Variants in LYPD1 observed in about 807,000 individuals in gnomAD.
The protein encoded by LYPD1 is ly6/PLAUR domain-containing protein 1.
Under a neutral mutation model 14.2 loss-of-function variants are expected in LYPD1, and 14 were observed. The ratio of observed to expected loss-of-function variants is 0.99; its 90% confidence interval spans 0.65 to 1.54. The LOEUF (loss-of-function observed/expected upper bound fraction) is 1.54, where lower values mean the gene tolerates loss of function less well. LYPD1 is among the 40% of genes most tolerant of loss of function. The pLI is 0.00. For synonymous variants in LYPD1, 85 were observed against 70.6 expected (o/e 1.20, Z -1.02); for missense variants, 165 against 175.7 (o/e 0.94, Z 0.34).
Position 132,645,443 on chromosome 2 carries a change from C to G in LYPD1, c.*602G>C, listed in dbSNP as rs756654238. On this transcript the variant is annotated 3_prime_UTR_variant, in exon 3 of 3. Transcript: ENST00000397463. ...TTGCTCTTCGCGTCCCGGCGCCAGT[C>G]CTCTGCAAGGAGAACTGAGAAGATT... 1 of 1,613,774 alleles carries G rather than the reference C, an allele frequency of 6.2e-7. No homozygotes were observed.
At chr2:132,656,255 T>C (rs1682591103) in intron 2 of LYPD1, among the ~76,000 whole-genome samples, 1 of 152,222 alleles carries the variant, frequency 6.6e-6, no homozygotes, top group Non-Finnish European at 1.5e-5. Flanking sequence ...TTTTTACCCA[T>C]GTTATGCAAT....
chr2:132,645,979 G>T lies in LYPD1; in HGVS notation c.*66C>A. On this transcript the variant is annotated 3_prime_UTR_variant, in exon 3 of 3. Coordinates refer to ENST00000397463, the MANE Select transcript of LYPD1 (RefSeq NM_144586.7). ...GGACACCCAGAAGAAACTCACTCAG[G>T]GAGGTGGGGGGTTGGGGGCGAGGGC... 1 of 1,228,832 alleles carries T rather than the reference G, an allele frequency of 8.1e-7. No homozygotes were observed. 76.1% of individuals were successfully genotyped at this position (1,228,832 alleles called of 1,614,324 possible). A position where few individuals can be genotyped will look rare whatever the true frequency, so the allele number is the denominator to read the frequency against.
intron 2 of LYPD1, among the ~76,000 whole-genome samples, chr2:132,658,739 T>TGTG (rs144476428): frequency 0.072 from 10,974 of 152,208 alleles, 1,251 homozygotes; most frequent in African/African-American, 0.24. Context: ...TCTAACTGCC[T>TGTG]GTGTCTTGTG....
chr2:132,669,341 C>G lies in LYPD1; in HGVS notation c.52+540G>C, dbSNP rs1252589765. Among the ~76,000 whole-genome samples the G allele has an allele frequency of 2.0e-5, 3 of 152,022 alleles. No individual in the cohort carries two copies. Among genetic ancestry groups the G allele is most frequent in the Non-Finnish European group, 2.9e-5 (2 of 68,014 alleles). On this transcript the variant is annotated intron_variant, in intron 1 of 2. Transcript: ENST00000397463. The surrounding 1 kb of genome is among the most constrained non-coding windows in gnomAD (Gnocchi z 4.3). ...GCGAACTGGAGAGAGGACGCGAGAC[C>G]TTTGCGCCTCTGGACGCTTCGGCCT...
chr2:132,646,466 C>CTAT (rs1163668697), intron 2 of LYPD1, 186 bp from the exon 3 acceptor site: 29 of 409,330 alleles, frequency 7.1e-5, no homozygotes, highest in Non-Finnish European at 4.7e-5. Flanking sequence ...GAGACAGGCA[C>CTAT]TATTTCATTA....
chr2:132,669,741 A>T lies in LYPD1; in HGVS notation c.52+140T>A. The T allele has an allele frequency of 7.0e-7, 1 of 1,436,126 alleles. No individual in the cohort carries two copies. The highest frequency in any genetic ancestry group is 2.9e-5 in the Admixed American group (1 of 34,200). 89.0% of individuals were successfully genotyped at this position (1,436,126 alleles called of 1,614,324 possible). A position where few individuals can be genotyped will look rare whatever the true frequency, so the allele number is the denominator to read the frequency against. ...CTTTCCCAGCCTCGCGCCCCGGGGC[A>T]CCAGTCGCGGCCGCCAACTCCCGCT... On this transcript the variant is annotated intron_variant, in intron 1 of 2. Coordinates refer to ENST00000397463, the MANE Select transcript of LYPD1 (RefSeq NM_144586.7). This position sits in a 1 kb window ranked among gnomAD's most constrained non-coding sequence, Gnocchi z 4.3.
chr2:132,668,303 A>G, intron 2 of LYPD1, 97 bp downstream of exon 2: 1 of 1,439,614 alleles, frequency 6.9e-7, no homozygotes, highest in South Asian at 1.5e-5. Context: ...TGGGCATTAA[A>G]TCAAAGTCAG....
Position 132,645,413 on chromosome 2 carries a change from G to A in LYPD1, c.*632C>T. On this transcript the variant is annotated 3_prime_UTR_variant, in exon 3 of 3. Transcript: ENST00000397463. The stretch of plus-strand genomic sequence containing the variant: ...ACCGACAGCGCCCGCTTTGTGCAGC[G>A]CCCGTTGCTCTTCGCGTCCCGGCGC... 3.7e-6 allele frequency: 6 copies of A among 1,613,502 alleles called. No individual in the cohort carries two copies. The highest frequency in any genetic ancestry group is 5.1e-6 in the Non-Finnish European group (6 of 1,180,014).
chr2:132,670,218 T>C (rs1683604397), upstream of LYPD1: 2 of 923,430 alleles, frequency 2.2e-6, no homozygotes, highest in African/African-American at 1.8e-5. The surrounding 1 kb of genome is among the most constrained non-coding windows in gnomAD (Gnocchi z 4.5). Context: ...CTACTGGCGA[T>C]CGGGAGCACC....
intron 2 of LYPD1, among the ~76,000 whole-genome samples, chr2:132,650,728 C>A (rs11273383): frequency 0.55 from 78,553 of 143,088 alleles, 21,094 homozygotes; most frequent in African/African-American, 0.68. Context: ...AAAAAAAAAA[C>A]AAAAAACAAA....
In LYPD1 at chr2:132,668,539, T is replaced by C; in HGVS notation, c.53-2A>G. On this transcript the variant is annotated splice_acceptor_variant, in intron 1 of 2. Coordinates refer to ENST00000397463, the MANE Select transcript of LYPD1 (RefSeq NM_144586.7). LOFTEE classifies it high-confidence loss of function. ...AGCACTGGATTTGCAGCGCAAAGCC[T>C]GCGAGACAGACGCAGTCGGGTTCAG... 2 of 1,611,708 alleles carry C rather than the reference T, an allele frequency of 1.2e-6. No individual in the cohort carries two copies. Among genetic ancestry groups the C allele is most frequent in the African/African-American group, 2.7e-5 (2 of 74,986 alleles).
rs752927626 is a variant in LYPD1, at chr2:132,645,117, A to G, written c.*928T>C. 1.9e-6 allele frequency: 3 copies of G among 1,612,872 alleles called. No homozygotes were observed. The highest frequency in any genetic ancestry group is 2.2e-5 in the East Asian group (1 of 44,858). ...TCTGCCCAGGGCTGATTGTTGTGAC[A>G]TTGGCCGTATGCTGGATGCCCAACC... On this transcript the variant is annotated 3_prime_UTR_variant, in exon 3 of 3. Coordinates refer to ENST00000397463, the MANE Select transcript of LYPD1 (RefSeq NM_144586.7).
Position 132,668,982 on chromosome 2 carries a change from G to A in LYPD1, c.53-445C>T, listed in dbSNP as rs948518758. Reference sequence around the variant, plus strand: ...GATTACATTCGCAGACGTCTTTTTAGTTTTTATTTATTTAATTTTTAAAGT... The same window carrying A: ...GATTACATTCGCAGACGTCTTTTTAATTTTTATTTATTTAATTTTTAAAGT... On this transcript the variant is annotated intron_variant, in intron 1 of 2. Coordinates refer to ENST00000397463, the MANE Select transcript of LYPD1 (RefSeq NM_144586.7). Among the ~76,000 whole-genome samples, 3 of 152,234 alleles carry A rather than the reference G, an allele frequency of 2.0e-5. No individual in the cohort carries two copies. In the East Asian group the frequency reaches 5.8e-4, roughly 29 times the overall value.
chr2:132,654,740 CATTT>C (rs67623007), intron 2 of LYPD1, among the ~76,000 whole-genome samples: 84,598 of 149,718 alleles, frequency 0.57, 23,965 homozygotes, highest in East Asian at 0.66. Flanking sequence ...GCCTCTTTCC[CATTT>C]ATTTATTTAT....
In LYPD1 at chr2:132,669,955, G is replaced by A. The variant is rs1683560739; in HGVS notation, c.-23C>T. ...CATTCTCCCGGAGTCCCGGGGCCGG[G>A]AGAGGGCAAGCGCATCAGAGGAGGC... On this transcript the variant is annotated 5_prime_UTR_variant, in exon 1 of 3. Transcript: ENST00000397463. The surrounding 1 kb of genome is among the most constrained non-coding windows in gnomAD (Gnocchi z 4.3). 6.2e-7 allele frequency: 1 copy of A among 1,610,846 alleles called. No individual in the cohort carries two copies. Among genetic ancestry groups the A allele is most frequent in the Non-Finnish European group, 8.5e-7 (1 of 1,179,202 alleles).
rs761545144 is a variant in LYPD1 at position 132,668,433 on chromosome 2, T to A, written c.157A>T (p.Met53Leu). ...IVNCTVNVQD[M>L]CQKEVMEQSA... is the part of the protein sequence containing the mutation. ...TGCTCCATCACTTCTTTCTGACACATGTCTTGAACGTTCACCGTGCAATTC... is the reference window on the plus strand; with the variant it reads ...TGCTCCATCACTTCTTTCTGACACAAGTCTTGAACGTTCACCGTGCAATTC... Residue 53 changes from methionine to leucine, a missense_variant, in exon 2 of 3, where the codon ATG (methionine) becomes TTG (leucine). Physicochemically the swap from Met to Leu is conservative, Grantham distance 15. Coordinates refer to ENST00000397463, the MANE Select transcript of LYPD1 (RefSeq NM_144586.7). 1 of 1,608,968 alleles carries A rather than the reference T, an allele frequency of 6.2e-7. No individual in the cohort carries two copies. Among genetic ancestry groups the A allele is most frequent in the Non-Finnish European group, 8.5e-7 (1 of 1,177,750 alleles).
At position 132,644,097 on chromosome 2, in the gene LYPD1, T is replaced by C. The variant is rs1252609309; in HGVS notation, c.*1948A>G. Among the ~76,000 whole-genome samples, 2 of 152,222 alleles carry C rather than the reference T, an allele frequency of 1.3e-5. No individual in the cohort carries two copies. Among genetic ancestry groups the C allele is most frequent in the Non-Finnish European group, 2.9e-5 (2 of 68,040 alleles). ...AGATCCCCTGATCTTCCTTTGTTCT[T>C]TTTTGCTTTTGTCACTGTAACTAAA... is the stretch of plus-strand genomic sequence containing the variant. On this transcript the variant is annotated 3_prime_UTR_variant, in exon 3 of 3. Transcript: ENST00000397463.
rs769017569 is a variant in LYPD1, at chr2:132,645,356, AG to A, written c.*688del. The A allele has an allele frequency of 3.1e-6, 5 of 1,614,102 alleles. No homozygotes were observed. In the South Asian group the frequency reaches 5.5e-5, roughly 18 times the overall value. On this transcript the variant is annotated 3_prime_UTR_variant, in exon 3 of 3. Coordinates refer to ENST00000397463, the MANE Select transcript of LYPD1 (RefSeq NM_144586.7). The stretch of plus-strand genomic sequence containing the variant: ...CTGTCGCTGCAGCACGCCAACCACG[AG>A]AAGCGCCTGCGCGTACATGCGCACT...
At position 132,644,832 on chromosome 2, in the gene LYPD1, C is replaced by A; in HGVS notation, c.*1213G>T. The A allele has an allele frequency of 2.4e-6, 1 of 413,096 alleles. No individual in the cohort carries two copies. The highest frequency in any genetic ancestry group is 4.3e-6 in the Non-Finnish European group (1 of 234,598). 25.6% of individuals were successfully genotyped at this position (413,096 alleles called of 1,614,324 possible). A position where few individuals can be genotyped will look rare whatever the true frequency, so the allele number is the denominator to read the frequency against. On this transcript the variant is annotated 3_prime_UTR_variant, in exon 3 of 3. Coordinates refer to ENST00000397463, the MANE Select transcript of LYPD1 (RefSeq NM_144586.7). ...AATGAAAACATTTTTTTAAAATTAACAGACATCAACTGGTATAAATACACT... is the reference window on the plus strand; with the variant it reads ...AATGAAAACATTTTTTTAAAATTAAAAGACATCAACTGGTATAAATACACT...
Sources: gnomAD v4.1 joint callset for allele counts (sites outside exome capture counted in the v4.1 genomes callset) on GRCh38, gnomAD v4.1.1 for gene constraint, Gnocchi (gnomAD v3.1) non-coding constraint, MANE v1.5 for transcripts, NCBI Gene and HGNC (gene_info 2026-07-23, HGNC 2026-07-21) for gene names.